Variants in UBAC2 observed in about 807,000 individuals in gnomAD.
The protein encoded by UBAC2 is UBA domain containing 2.
In UBAC2, 26 loss-of-function variants were observed where a neutral mutation model predicts 44.0. The ratio of observed to expected loss-of-function variants is 0.59; its 90% CI spans 0.43 to 0.82. The LOEUF (loss-of-function observed/expected upper bound fraction) is 0.82, where lower values mean the gene tolerates loss of function less well. Among genes scored for constraint, UBAC2 ranks in the 40% least tolerant of loss-of-function variants. UBAC2 has a pLI of 0.00. For synonymous variants in UBAC2, 155 were observed against 154.3 expected (o/e 1.00, Z -0.04); for missense variants, 329 against 419.4 (o/e 0.78, Z 1.88).
At chr13:99,359,463 C>T (rs917191803) in intron 7 of UBAC2, among the ~76,000 whole-genome samples, 4 of 152,202 alleles carry the variant, frequency 2.6e-5, no homozygotes, top group Admixed American at 6.5e-5. Flanking sequence ...CCTTGATCTC[C>T]GTGGTAGGTC....
chr13:99,366,651 G>A (rs1439150158), intron 7 of UBAC2, among the ~76,000 whole-genome samples: 2 of 151,978 alleles, frequency 1.3e-5, no homozygotes, highest in Non-Finnish European at 2.9e-5. Flanking sequence ...CCCTTTCGCT[G>A]AGGGTGCTGC....
intron 4 of UBAC2, among the ~76,000 whole-genome samples, chr13:99,278,655 A>T (rs556910404): frequency 2.3e-4 from 35 of 152,370 alleles, no homozygotes; most frequent in Non-Finnish European, 4.4e-4. Context: ...TGAAGCGATC[A>T]CATTAACATG....
intron 4 of UBAC2, among the ~76,000 whole-genome samples, chr13:99,254,384 A>G (rs1164434028): frequency 6.6e-6 from 1 of 152,224 alleles, no homozygotes; most frequent in Non-Finnish European, 1.5e-5. Context: ...GATGGCTGTA[A>G]CAGGCCCCTT....
intron 5 of UBAC2, among the ~76,000 whole-genome samples, chr13:99,315,726 A>G (rs927726952): frequency 1.2e-4 from 19 of 152,298 alleles, no homozygotes; most frequent in African/African-American, 3.9e-4. Flanking sequence ...ATAAGAGTTA[A>G]GTCAATTGGT....
At chr13:99,244,906 C>G (rs945047534) in intron 4 of UBAC2, among the ~76,000 whole-genome samples, 9 of 151,854 alleles carry the variant, frequency 5.9e-5, no homozygotes, top group Admixed American at 4.6e-4. Flanking sequence ...GATCTCGGCT[C>G]ACTACAACCT....
intron 8 of UBAC2, chr13:99,377,194 C>T (rs2045492571): frequency 8.9e-6 from 1 of 112,914 alleles, no homozygotes; most frequent in African/African-American, 2.7e-5. Flanking sequence ...GCAAGCCAGG[C>T]CTGGTGCCAG....
At chr13:99,285,415 A>T (rs1293151738) in intron 4 of UBAC2, among the ~76,000 whole-genome samples, 1 of 148,704 alleles carries the variant, frequency 6.7e-6, no homozygotes, top group Non-Finnish European at 1.5e-5. Flanking sequence ...TTTAAGAGAC[A>T]ATTGTCTTGC....
chr13:99,220,660 T>G (rs1284048309), intron 1 of UBAC2, among the ~76,000 whole-genome samples: 1 of 152,228 alleles, frequency 6.6e-6, no homozygotes, highest in Non-Finnish European at 1.5e-5. Context: ...TTTTCAAAGG[T>G]AAAAGGATCT....
At chr13:99,380,596 T>C (rs75562771) in intron 8 of UBAC2, among the ~76,000 whole-genome samples, 1,747 of 152,080 alleles carry the variant, frequency 0.011, 12 homozygotes, top group Non-Finnish European at 0.019. Context: ...CACTGGGGAG[T>C]ATTGGGTAAG....
chr13:99,217,584 C>T (rs1181754461), intron 1 of UBAC2, among the ~76,000 whole-genome samples: 1 of 152,206 alleles, frequency 6.6e-6, no homozygotes, highest in African/African-American at 2.4e-5. Context: ...GGCACCCCGG[C>T]TTGGGGCCAG....
chr13:99,237,859 G>A (rs1038599471), intron 1 of UBAC2, among the ~76,000 whole-genome samples: 1 of 152,168 alleles, frequency 6.6e-6, no homozygotes, highest in African/African-American at 2.4e-5. Flanking sequence ...GGAGGCTGAG[G>A]CAGGAGAATC....
chr13:99,369,116 A>C (rs2045372536), intron 8 of UBAC2, among the ~76,000 whole-genome samples: 1 of 152,226 alleles, frequency 6.6e-6, no homozygotes, highest in Non-Finnish European at 1.5e-5. Flanking sequence ...GCTTTTCCTA[A>C]ATGGAATGTC....
chr13:99,280,318 C>T (rs1393606970), intron 4 of UBAC2, among the ~76,000 whole-genome samples: 1 of 152,198 alleles, frequency 6.6e-6, no homozygotes, highest in Non-Finnish European at 1.5e-5. Context: ...TTGCATTACT[C>T]ACTACTGCCT....
rs2138943627 is a variant in UBAC2, at chr13:99,386,065, CTG to C, written c.*733_*734del. 1 of 152,418 alleles carries C rather than the reference CTG, an allele frequency of 6.6e-6. No homozygotes were observed. The highest frequency in any genetic ancestry group is 1.9e-4 in the East Asian group (1 of 5,186). 9.4% of individuals were successfully genotyped at this position (152,418 alleles called of 1,614,324 possible). A position where few individuals can be genotyped will look rare whatever the true frequency, so the allele number is the denominator to read the frequency against. ...AGCCACATGGGCTGACTAGGGCACT[CTG>C]TGGCTGGCCTGGCATGGGCTCAGCC... On this transcript the variant is annotated 3_prime_UTR_variant, in exon 9 of 9. Coordinates refer to ENST00000403766, the MANE Select transcript of UBAC2 (RefSeq NM_001144072.2).
chr13:99,203,013 C>CTTTGT (rs1478603671), intron 1 of UBAC2, among the ~76,000 whole-genome samples: 4 of 128,280 alleles, frequency 3.1e-5, no homozygotes, highest in East Asian at 2.3e-4. Flanking sequence ...AAGTGATTTC[C>CTTTGT]TTTGTTTTAT....
At chr13:99,374,894 G>T (rs2045459993) in intron 8 of UBAC2, among the ~76,000 whole-genome samples, 1 of 152,188 alleles carries the variant, frequency 6.6e-6, no homozygotes, top group Non-Finnish European at 1.5e-5. Flanking sequence ...GGTCGGAGAA[G>T]GGTTGAACAC....
chr13:99,309,827 G>C (rs900418690), intron 4 of UBAC2, among the ~76,000 whole-genome samples: 1 of 151,918 alleles, frequency 6.6e-6, no homozygotes, highest in Non-Finnish European at 1.5e-5. Flanking sequence ...GCCCAGGCTG[G>C]TCTCAAACTC....
rs565436280 is a variant in UBAC2 at position 99,303,072 on chromosome 13, G to A, written c.390-11025G>A. ...GTGACTAGCCGAGGGGCTTAGTAGA[G>A]GCAGCCTTATTGAGGAGCTCTGTGA... On this transcript the variant is annotated intron_variant, in intron 4 of 8. Transcript: ENST00000403766. 3.9e-5 allele frequency among the ~76,000 whole-genome samples: 6 copies of A among 152,290 alleles called. No homozygotes were observed. The East Asian group carries it at 5.8e-4, about 15-fold the overall frequency.
intron 7 of UBAC2, among the ~76,000 whole-genome samples, chr13:99,357,962 A>G (rs2045211825): frequency 6.6e-6 from 1 of 152,214 alleles, no homozygotes; most frequent in Non-Finnish European, 1.5e-5. Context: ...CAGGTCTACA[A>G]ACAGGACAAG....
Sources: gnomAD v4.1 joint callset for allele counts (sites outside exome capture counted in the v4.1 genomes callset) on GRCh38, gnomAD v4.1.1 for gene constraint, MANE v1.5 for transcripts, NCBI Gene and HGNC (gene_info 2026-07-23, HGNC 2026-07-21) for gene names.